The following GABPB2 variants were observed in gnomAD, a reference collection of about 807,000 sequenced individuals.
The protein encoded by GABPB2 is GA binding protein transcription factor subunit beta 2.
A neutral mutation model predicts 39.1 loss-of-function variants in GABPB2; 23 were observed. That is an observed-to-expected ratio of 0.59 (90% CI 0.42 to 0.83). The LOEUF (loss-of-function observed/expected upper bound fraction) is 0.83. Ranked by LOEUF, GABPB2 falls within the 40% of genes least tolerant of loss-of-function variation. The pLI is 0.00. For missense variants in GABPB2, 467 were observed against 541.1 expected (o/e 0.86, Z 1.36); for synonymous variants, 184 against 199.3 (o/e 0.92, Z 0.65).
intron 5 of GABPB2, among the ~76,000 whole-genome samples, chr1:151,103,081 G>C (rs1162256813): frequency 5.0e-5 from 6 of 120,358 alleles, no homozygotes; most frequent in African/African-American, 1.6e-4. Flanking sequence ...AAGGAGTCTC[G>C]CTCTGTCGCC....
At chr1:151,075,348 AG>A (rs963811654) in intron 1 of GABPB2, among the ~76,000 whole-genome samples, 6 of 151,970 alleles carry the variant, frequency 3.9e-5, no homozygotes, top group Non-Finnish European at 7.4e-5. Context: ...GCAGATCACG[AG>A]GTCAGGAGAT....
chr1:151,093,728 T>C lies in GABPB2; in HGVS notation c.471+342T>C, dbSNP rs1392119735. 5.9e-5 allele frequency among the ~76,000 whole-genome samples: 9 copies of C among 151,998 alleles called. No homozygotes were observed. In the South Asian group the frequency reaches 1.9e-3, roughly 32 times the overall value. ...TGGCTTTAGAATGTCTTTTTCTCCATGAAAATTTCCCTTTCTAATTAAACT... is the reference window on the plus strand; with the variant it reads ...TGGCTTTAGAATGTCTTTTTCTCCACGAAAATTTCCCTTTCTAATTAAACT... On this transcript the variant is annotated intron_variant, in intron 4 of 8. Coordinates refer to ENST00000368918, the MANE Select transcript of GABPB2 (RefSeq NM_144618.3).
At chr1:151,072,734 C>G (rs1368830459) in intron 1 of GABPB2, among the ~76,000 whole-genome samples, 3 of 152,174 alleles carry the variant, frequency 2.0e-5, no homozygotes, top group Non-Finnish European at 2.9e-5. Context: ...GTAATCCCAG[C>G]TACCCAGGAG....
At chr1:151,112,951 T>C (rs1364580213) in intron 7 of GABPB2, among the ~76,000 whole-genome samples, 1 of 151,146 alleles carries the variant, frequency 6.6e-6, no homozygotes, top group Non-Finnish European at 1.5e-5. Context: ...TTTTTTTTTT[T>C]GTATTTTAGT....
chr1:151,116,101 A>AT (rs1297563692), intron 7 of GABPB2, among the ~76,000 whole-genome samples: 1 of 151,488 alleles, frequency 6.6e-6, no homozygotes, highest in Non-Finnish European at 1.5e-5. Flanking sequence ...AGACTTCTCG[A>AT]TAAAAAAAGG....
chr1:151,104,849 T>A (rs952116289), intron 6 of GABPB2, among the ~76,000 whole-genome samples: 1 of 151,424 alleles, frequency 6.6e-6, no homozygotes, highest in Non-Finnish European at 1.5e-5. Context: ...TCTCTTTCTT[T>A]CTTTCTTTCT....
Position 151,088,869 on chromosome 1 carries a change from G to A in GABPB2, c.108+572G>A, listed in dbSNP as rs587752210. Among the ~76,000 whole-genome samples the A allele has an allele frequency of 1.1e-4, 17 of 152,110 alleles. No homozygotes were observed. In the East Asian group the frequency reaches 2.9e-3, roughly 26 times the overall value. ...CAAAAAATTAGCTGGGCATGGTGGC[G>A]CACGCCTGTAATCCCAGCTACTTGA... On this transcript the variant is annotated intron_variant, in intron 2 of 8. Transcript: ENST00000368918.
At chr1:151,095,645 A>G (rs925250526) in intron 4 of GABPB2, among the ~76,000 whole-genome samples, 4 of 152,182 alleles carry the variant, frequency 2.6e-5, no homozygotes, top group Non-Finnish European at 5.9e-5. Flanking sequence ...TCTGTTTATC[A>G]TGTAATATTG....
intron 8 of GABPB2, 76 bp from the exon 9 acceptor site, chr1:151,117,881 G>A (rs1681001708): frequency 5.7e-6 from 8 of 1,410,600 alleles, no homozygotes; most frequent in Non-Finnish European, 2.0e-6. Flanking sequence ...ACCGCTCCTG[G>A]CCTGTCTTTT....
At chr1:151,085,037 CA>C (rs587606805) in intron 1 of GABPB2, among the ~76,000 whole-genome samples, 51 of 151,668 alleles carry the variant, frequency 3.4e-4, no homozygotes, top group African/African-American at 1.2e-3. Flanking sequence ...GTCAAATCTG[CA>C]GTGAGCTGTG....
intron 7 of GABPB2, among the ~76,000 whole-genome samples, chr1:151,116,721 C>A (rs1389339071): frequency 6.6e-6 from 1 of 152,100 alleles, no homozygotes; most frequent in East Asian, 1.9e-4. Flanking sequence ...GATCCTCCCA[C>A]TTCAGCCTCC....
Position 151,118,292 on chromosome 1 carries a change from A to C in GABPB2, c.*36A>C, listed in dbSNP as rs777571749. 13 of 1,553,618 alleles carry C rather than the reference A, an allele frequency of 8.4e-6. No homozygotes were observed. The African/African-American group carries it at 1.5e-4, about 18-fold the overall frequency. Reference sequence around the variant, plus strand: ...CCACAATTTGCACTGTGTTCATATTAATCCTCTTTTAAAAAAGGAAATATA... The same window carrying C: ...CCACAATTTGCACTGTGTTCATATTCATCCTCTTTTAAAAAAGGAAATATA... On this transcript the variant is annotated 3_prime_UTR_variant, in exon 9 of 9. Coordinates refer to ENST00000368918, the MANE Select transcript of GABPB2 (RefSeq NM_144618.3).
Position 151,093,375 on chromosome 1 carries a change from G to T in GABPB2, c.460G>T (p.Val154Phe), listed in dbSNP as rs1442157593. The T allele has an allele frequency of 6.3e-7, 1 of 1,597,442 alleles. No homozygotes were observed. The highest frequency in any genetic ancestry group is 1.1e-5 in the South Asian group (1 of 88,440). The stretch of plus-strand genomic sequence containing the variant: ...GGAGAAAAACAATGCTGAGATTTTG[G>T]TCATCCTCCAGGTGTGGTTCTTTTT... ...ALEKNNAEIL[V>F]ILQEAMQNQV... The change falls in exon 4 of 9, where the codon GTC (valine) becomes TTC (phenylalanine). Residue 154 changes from valine (V) to phenylalanine (F), a missense_variant. Transcript: ENST00000368918.
chr1:151,109,364 A>ATATATTTT (rs779537595), intron 7 of GABPB2, among the ~76,000 whole-genome samples: 23,179 of 111,972 alleles, frequency 0.21, 3,514 homozygotes, highest in East Asian at 0.71. Flanking sequence ...ATATATATAT[A>ATATATTTT]TTTTTTTTTT....
At chr1:151,086,218 C>G (rs1025883592) in intron 1 of GABPB2, among the ~76,000 whole-genome samples, 3 of 151,986 alleles carry the variant, frequency 2.0e-5, no homozygotes, top group Admixed American at 2.0e-4. Context: ...TGCACTCCAG[C>G]CTGGGTGACA....
At chr1:151,078,745 T>A (rs1256152641) in intron 1 of GABPB2, among the ~76,000 whole-genome samples, 2 of 152,096 alleles carry the variant, frequency 1.3e-5, no homozygotes, top group Admixed American at 1.3e-4. Flanking sequence ...GTTCAAGTGA[T>A]TCTCCTGCCT....
intron 1 of GABPB2, among the ~76,000 whole-genome samples, chr1:151,081,987 G>A (rs1285783135): frequency 1.3e-5 from 2 of 151,664 alleles, no homozygotes; most frequent in South Asian, 2.1e-4. Flanking sequence ...TGTACTTGTC[G>A]AAGGAAAGAG....
rs199517501 is a variant in GABPB2 at position 151,072,270 on chromosome 1, G to T, written c.-1+1336G>T. Among the ~76,000 whole-genome samples the T allele has an allele frequency of 3.7e-4, 57 of 152,338 alleles. No homozygotes were observed. In the East Asian group the frequency reaches 8.1e-3, roughly 22 times the overall value. ...CACACTTATTGAAAGGTTTTGGCCGGGCGCAGTGGCTCACGCCTGTAATCC... is the reference window on the plus strand; with the variant it reads ...CACACTTATTGAAAGGTTTTGGCCGTGCGCAGTGGCTCACGCCTGTAATCC... On this transcript the variant is annotated intron_variant, in intron 1 of 8. Coordinates refer to ENST00000368918, the MANE Select transcript of GABPB2 (RefSeq NM_144618.3).
intron 1 of GABPB2, among the ~76,000 whole-genome samples, chr1:151,080,155 C>T (rs1401889389): frequency 1.5e-5 from 2 of 137,766 alleles, no homozygotes; most frequent in East Asian, 2.3e-4. Context: ...GCAGAGGTTG[C>T]GGTGAGCCAA....
Sources: gnomAD v4.1 joint callset for allele counts (sites outside exome capture counted in the v4.1 genomes callset) on GRCh38, gnomAD v4.1.1 for gene constraint, MANE v1.5 for transcripts, NCBI Gene and HGNC (gene_info 2026-07-23, HGNC 2026-07-21) for gene names.